Variants in MDN1 observed in about 807,000 individuals in gnomAD.
MDN1 encodes the protein midasin.
MDN1 carries 266 observed loss-of-function variants against 669.2 expected under a neutral mutation model. The ratio of observed to expected loss-of-function variants is 0.40; its 90% CI spans 0.36 to 0.44. The LOEUF (loss-of-function observed/expected upper bound fraction) is 0.44, where lower values mean the gene tolerates loss of function less well. Ranked by LOEUF, MDN1 falls within the 20% of genes least tolerant of loss-of-function variation. MDN1 has a pLI of 1.00. For synonymous variants in MDN1, 2,385 were observed against 2,457.1 expected (o/e 0.97, Z 0.87); for missense variants, 5,940 against 6,754.0 (o/e 0.88, Z 4.22).
chr6:89,740,413 T>G, intron 31 of MDN1, 35 bp from the exon 32 acceptor site: 1 of 1,537,916 alleles, frequency 6.5e-7, no homozygotes, highest in South Asian at 1.2e-5. Flanking sequence ...GAAAAGGGCT[T>G]ATACAATCTT....
At chr6:89,657,523 T>C (rs1444217947) in intron 90 of MDN1, among the ~76,000 whole-genome samples, 1 of 152,194 alleles carries the variant, frequency 6.6e-6, no homozygotes, top group African/African-American at 2.4e-5. Flanking sequence ...AGAAACCTGA[T>C]GATGAGCAAG....
intron 2 of MDN1, among the ~76,000 whole-genome samples, chr6:89,797,167 C>G (rs529263399): frequency 7.9e-5 from 12 of 151,910 alleles, no homozygotes; most frequent in Non-Finnish European, 1.6e-4. Flanking sequence ...GTCAAGAGAT[C>G]GAGACCATCC....
intron 59 of MDN1, among the ~76,000 whole-genome samples, chr6:89,697,947 T>A (rs748836774): frequency 6.6e-6 from 1 of 152,070 alleles, no homozygotes; most frequent in Non-Finnish European, 1.5e-5. Context: ...CTAAAGGGGA[T>A]CAGTAAACGT....
At chr6:89,755,971 G>A (rs940734788) in intron 20 of MDN1, among the ~76,000 whole-genome samples, 1 of 152,064 alleles carries the variant, frequency 6.6e-6, no homozygotes, top group South Asian at 2.1e-4. Context: ...GATTCAAAAC[G>A]CAAGCCATGT....
intron 63 of MDN1, among the ~76,000 whole-genome samples, chr6:89,691,610 G>A (rs1812386399): frequency 6.6e-6 from 1 of 152,078 alleles, no homozygotes; most frequent in African/African-American, 2.4e-5. Context: ...TAAGAAAATA[G>A]TTAAATTACT....
At chr6:89,648,587 GC>G (rs1374961508) in intron 97 of MDN1, among the ~76,000 whole-genome samples, 2 of 151,884 alleles carry the variant, frequency 1.3e-5, no homozygotes, top group Non-Finnish European at 2.9e-5. Flanking sequence ...GACCTTGAGG[GC>G]CAGGCGTGGT....
rs1810968297 is a variant in MDN1, at chr6:89,673,442, G to A, written c.13268C>T (p.Ser4423Phe). ...CTGGGACAAGCAACTCAGCGCAGAA[G>A]AGCAAACTTCAAAATCTTTCCTGCA... ...FHSWKDFEVC[S>F]SALSCLSQVS... Residue 4423 changes from serine (S) to phenylalanine (F), a missense_variant, in exon 80 of 102, where the codon TCT (serine) becomes TTT (phenylalanine). By Grantham distance (155) the Ser-to-Phe change is radical (BLOSUM62 -2). Coordinates refer to ENST00000369393, the MANE Select transcript of MDN1 (RefSeq NM_014611.3). 6.2e-7 allele frequency: 1 copy of A among 1,614,038 alleles called. No homozygotes were observed.
rs564521849 is a variant in MDN1 at position 89,797,701 on chromosome 6, G to A, written c.330-2900C>T. ...AGTCTACCAAAATCTGCCTTCAGTG[G>A]TGGCTATTACAGAGGTGGGTTTGAA... On this transcript the variant is annotated intron_variant, in intron 2 of 101. Coordinates refer to ENST00000369393, the MANE Select transcript of MDN1 (RefSeq NM_014611.3). 320 of 461,410 alleles carry A rather than the reference G, an allele frequency of 6.9e-4. 3 individuals are homozygous for A. Among genetic ancestry groups the A allele is most frequent in the South Asian group, 5.2e-3 (318 of 61,394 alleles). 28.6% of individuals were successfully genotyped at this position (461,410 alleles called of 1,614,324 possible).
chr6:89,804,352 G>A (rs938181968), intron 1 of MDN1, among the ~76,000 whole-genome samples: 1 of 152,066 alleles, frequency 6.6e-6, no homozygotes, highest in African/African-American at 2.4e-5. Context: ...TTGCAATGGA[G>A]GATCAGAGTT....
Position 89,655,812 on chromosome 6 carries a change from A to C in MDN1, c.15442T>G (p.Phe5148Val), listed in dbSNP as rs919752472. ...PQAQVEDADA[F>V]EHIKQGSDAY... Reference sequence around the variant, plus strand: ...TCACTGCCTTGTTTAATGTGCTCGAATGCATCTGCATCCTCCACCTGGGCC... The same window carrying C: ...TCACTGCCTTGTTTAATGTGCTCGACTGCATCTGCATCCTCCACCTGGGCC... Residue 5148 changes from phenylalanine (F) to valine (V), a missense_variant, in exon 92 of 102, where the codon TTC becomes GTC. Phe to Val is a conservative substitution (Grantham distance 50). This residue lies in a region of MDN1 where 2,280 missense variants were observed against 2,576.3 expected (regional missense o/e 0.88). Transcript: ENST00000369393. 1.2e-6 allele frequency: 2 copies of C among 1,613,632 alleles called. No individual in the cohort carries two copies. The highest frequency in any genetic ancestry group is 1.3e-5 in the African/African-American group (1 of 74,888).
chr6:89,729,479 T>C (rs140872958), intron 35 of MDN1, among the ~76,000 whole-genome samples: 1 of 152,266 alleles, frequency 6.6e-6, no homozygotes, highest in African/African-American at 2.4e-5. Flanking sequence ...ATAGTTACTT[T>C]CCTAAAAACC....
At chr6:89,766,591 A>G (rs554662967) in intron 15 of MDN1, among the ~76,000 whole-genome samples, 3 of 152,362 alleles carry the variant, frequency 2.0e-5, no homozygotes, top group African/African-American at 7.2e-5. Flanking sequence ...AAGAAGGTCC[A>G]TAACACCTGC....
intron 95 of MDN1, among the ~76,000 whole-genome samples, chr6:89,651,140 A>T (rs1307863151): frequency 1.3e-5 from 2 of 148,964 alleles, no homozygotes; most frequent in East Asian, 4.0e-4. Context: ...ACATGGTGAA[A>T]CCCTGTCTCT....
In MDN1 at chr6:89,724,532, C is replaced by A. The variant is rs541571388; in HGVS notation, c.5670+667G>T. 6.6e-5 allele frequency among the ~76,000 whole-genome samples: 10 copies of A among 152,320 alleles called. No individual in the cohort carries two copies. In the East Asian group the frequency reaches 1.9e-3, roughly 29 times the overall value. ...TCCTGACCTCAGGTGATTCACCTGC[C>A]TTGGCCTCCCAAAGTGCTGGGATTA... On this transcript the variant is annotated intron_variant, in intron 38 of 101. Coordinates refer to ENST00000369393, the MANE Select transcript of MDN1 (RefSeq NM_014611.3).
intron 29 of MDN1, among the ~76,000 whole-genome samples, chr6:89,744,413 T>C (rs1031726415): frequency 6.6e-6 from 1 of 151,260 alleles, no homozygotes; most frequent in African/African-American, 2.4e-5. Flanking sequence ...AGACTCCATC[T>C]TTTTTTTAGT....
At chr6:89,761,215 A>C (rs1261687811) in intron 17 of MDN1, among the ~76,000 whole-genome samples, 5 of 152,192 alleles carry the variant, frequency 3.3e-5, no homozygotes, top group Non-Finnish European at 7.3e-5. Context: ...GAAAAAAATA[A>C]GCTTTCTTCC....
At chr6:89,753,774 C>G in intron 21 of MDN1, 152 bp from the exon 22 acceptor site, 1 of 703,444 alleles carries the variant, frequency 1.4e-6, no homozygotes, top group Non-Finnish European at 2.4e-6. Context: ...GTAGGCCAGG[C>G]ACGGTGGTTC....
intron 75 of MDN1, 60 bp from the exon 76 acceptor site, chr6:89,677,756 C>G: frequency 6.2e-7 from 1 of 1,607,340 alleles, no homozygotes; most frequent in Admixed American, 1.7e-5. Context: ...GATGTGCCCC[C>G]CTCTCCCCTG....
intron 82 of MDN1, among the ~76,000 whole-genome samples, chr6:89,671,286 CA>C (rs1474297612): frequency 1.3e-5 from 2 of 152,174 alleles, no homozygotes; most frequent in African/African-American, 2.4e-5. Flanking sequence ...TATATCGTCA[CA>C]AAAGTACAAT....
Sources: gnomAD v4.1 joint callset for allele counts (sites outside exome capture counted in the v4.1 genomes callset) on GRCh38, gnomAD v4.1.1 for gene constraint, gnomAD v4.1.1 regional missense constraint, MANE v1.5 for transcripts, NCBI Gene and HGNC (gene_info 2026-07-23, HGNC 2026-07-21) for gene names.